CRTC3: variants seen among roughly 807,000 people sequenced by gnomAD.
CRTC3 encodes the protein CREB regulated transcription coactivator 3, also known as CREB-regulated transcription coactivator 3.
In CRTC3, 26 loss-of-function variants were observed where a neutral mutation model predicts 74.5. That is an observed-to-expected ratio of 0.35 (90% CI 0.26 to 0.48). The LOEUF is 0.48. CRTC3 is among the 20% of genes least tolerant of loss of function. The probability of loss-of-function intolerance (pLI) is 0.99; values close to 1 mark genes in which losing one functional copy is unlikely to be tolerated. For missense variants in CRTC3, 760 were observed against 787.3 expected (o/e 0.97, Z 0.41); for synonymous variants, 377 against 325.8 (o/e 1.16, Z -1.69).
intron 2 of CRTC3, among the ~76,000 whole-genome samples, chr15:90,548,164 CA>C (rs1470634911): frequency 7.7e-6 from 1 of 130,150 alleles, no homozygotes; most frequent in African/African-American, 2.5e-5. Context: ...GGTAGGATTA[CA>C]GGTGTGAGCC....
At position 90,625,763 on chromosome 15, in the gene CRTC3, T is replaced by C. The variant is rs552810075; in HGVS notation, c.750-13T>C. On this transcript the variant is annotated splice_polypyrimidine_tract_variant and intron_variant, in intron 9 of 14. Coordinates refer to ENST00000268184, the MANE Select transcript of CRTC3 (RefSeq NM_022769.5). ...ACATTGTAGAAAGTCATTCTTAATC[T>C]TTCTTTTTTCAGTGCTTTTCCACAT... 2 of 1,609,452 alleles carry C rather than the reference T, an allele frequency of 1.2e-6. No individual in the cohort carries two copies. The highest frequency in any genetic ancestry group is 2.2e-5 in the South Asian group (2 of 90,972).
chr15:90,562,075 C>T (rs994113637), intron 2 of CRTC3, among the ~76,000 whole-genome samples: 4 of 152,158 alleles, frequency 2.6e-5, no homozygotes, highest in Non-Finnish European at 4.4e-5. Context: ...CTGTCTCTAC[C>T]GCCAGCCTCT....
chr15:90,540,857 T>G (rs1201574206), intron 2 of CRTC3, among the ~76,000 whole-genome samples: 1 of 152,210 alleles, frequency 6.6e-6, no homozygotes, highest in Non-Finnish European at 1.5e-5. Context: ...ATAAAAAAAC[T>G]GAGAAATCTC....
At chr15:90,610,622 C>T (rs535456516) in intron 6 of CRTC3, among the ~76,000 whole-genome samples, 2 of 152,272 alleles carry the variant, frequency 1.3e-5, no homozygotes, top group East Asian at 1.9e-4. Context: ...TAATTTCTCT[C>T]TTTTTGTTTA....
intron 1 of CRTC3, among the ~76,000 whole-genome samples, chr15:90,535,413 A>G (rs1279414115): frequency 6.6e-6 from 1 of 152,144 alleles, no homozygotes; most frequent in Non-Finnish European, 1.5e-5. Flanking sequence ...GGAGGTCATC[A>G]GAGGAGGTCA....
At chr15:90,634,850 G>A in intron 11 of CRTC3, 2 of 1,541,030 alleles carry the variant, frequency 1.3e-6, no homozygotes, top group Non-Finnish European at 1.8e-6. Context: ...GAAAAGTATT[G>A]CAAGCAACAG....
chr15:90,627,659 T>C (rs1362342828), intron 10 of CRTC3, among the ~76,000 whole-genome samples: 1 of 151,550 alleles, frequency 6.6e-6, no homozygotes, highest in African/African-American at 2.4e-5. Flanking sequence ...TCTTGCTGTG[T>C]CGCCCAGGCT....
Position 90,632,076 on chromosome 15 carries a change from A to ATTT in CRTC3, c.1266+2555_1266+2557dup, listed in dbSNP as rs5814442. ...ACCATCACACCCGACTAATTTTTGT[A>ATTT]TTTTTTTTTTTTTGTAGAGATGGGG... On this transcript the variant is annotated intron_variant, in intron 11 of 14. Coordinates refer to ENST00000268184, the MANE Select transcript of CRTC3 (RefSeq NM_022769.5). Among the ~76,000 whole-genome samples the ATTT allele has an allele frequency of 8.1e-3, 1,176 of 145,258 alleles. 19 individuals carry two copies. Among genetic ancestry groups the ATTT allele is most frequent in the African/African-American group, 0.028 (1,099 of 39,420 alleles).
chr15:90,564,972 C>T (rs138466859), intron 2 of CRTC3, among the ~76,000 whole-genome samples: 41 of 149,000 alleles, frequency 2.8e-4, no homozygotes, highest in Non-Finnish European at 4.5e-4. Flanking sequence ...CATGGAGTTT[C>T]GCTCTTTTTG....
At chr15:90,580,024 G>A (rs943330710) in intron 2 of CRTC3, among the ~76,000 whole-genome samples, 7 of 152,164 alleles carry the variant, frequency 4.6e-5, no homozygotes, top group African/African-American at 1.7e-4. Flanking sequence ...AATACAAAAA[G>A]AGGAAATATT....
chr15:90,623,995 C>G (rs964572338), intron 9 of CRTC3, among the ~76,000 whole-genome samples: 1 of 152,196 alleles, frequency 6.6e-6, no homozygotes, highest in Non-Finnish European at 1.5e-5. Flanking sequence ...TCCAAGGAAG[C>G]CTCCCCAGGT....
At chr15:90,572,891 TA>T (rs1378282613) in intron 2 of CRTC3, among the ~76,000 whole-genome samples, 1 of 152,170 alleles carries the variant, frequency 6.6e-6, no homozygotes, top group Non-Finnish European at 1.5e-5. Context: ...ATCCATTTTT[TA>T]AAAAAACTGT....
chr15:90,572,778 GTTGGCCAGGCTGGTC>G (rs1967305427), intron 2 of CRTC3, among the ~76,000 whole-genome samples: 1 of 152,100 alleles, frequency 6.6e-6, no homozygotes, highest in African/African-American at 2.4e-5. Context: ...GTTTCACCAT[GTTGGCCAGGCTGGTC>G]TTAAACTCCT....
At chr15:90,595,903 A>G (rs557935023) in intron 3 of CRTC3, 3 of 152,318 alleles carry the variant, frequency 2.0e-5, no homozygotes, top group Admixed American at 1.3e-4. Flanking sequence ...CAAGTTGCCC[A>G]GGGTTCAGTG....
At chr15:90,615,855 T>C (rs962452948) in intron 7 of CRTC3, among the ~76,000 whole-genome samples, 15 of 151,874 alleles carry the variant, frequency 9.9e-5, no homozygotes, top group Admixed American at 9.8e-4. Context: ...TTTTTATTTA[T>C]TTTTATTTTT....
Position 90,638,629 on chromosome 15 carries a change from C to T in CRTC3, c.1450C>T (p.Gln484Ter). Residue 484 changes from glutamine (Q) to a stop codon, truncating the protein, a stop_gained, in exon 12 of 15, where the codon CAG (glutamine) becomes TAG (stop). Transcript: ENST00000268184. LOFTEE classifies it high-confidence loss of function. ...AASSLPQSDFQLLPAQGSSLT... is the reference protein window; with the variant it reads ...AASSLPQSDF ...CTCCTCACTGCCACAGTCAGACTTT[C>T]AGCTTCTCCCGGCCCAGGTGAGTTC... The T allele has an allele frequency of 6.2e-7, 1 of 1,613,638 alleles. No individual in the cohort carries two copies. Among genetic ancestry groups the T allele is most frequent in the Non-Finnish European group, 8.5e-7 (1 of 1,180,002 alleles).
intron 2 of CRTC3, among the ~76,000 whole-genome samples, chr15:90,566,862 C>T (rs1967135007): frequency 6.6e-6 from 1 of 151,930 alleles, no homozygotes; most frequent in South Asian, 2.1e-4. Context: ...AGGTGCCCGC[C>T]ACCACACCTG....
chr15:90,627,600 C>T (rs1968882954), intron 10 of CRTC3, among the ~76,000 whole-genome samples: 1 of 151,876 alleles, frequency 6.6e-6, no homozygotes, highest in African/African-American at 2.4e-5. Flanking sequence ...ATGTCAGAAC[C>T]AATGTCAGTT....
chr15:90,534,968 T>C (rs898077147), intron 1 of CRTC3, among the ~76,000 whole-genome samples: 1 of 152,104 alleles, frequency 6.6e-6, no homozygotes, highest in African/African-American at 2.4e-5. Flanking sequence ...GAGACCAGCC[T>C]GACCAACATG....
Sources: gnomAD v4.1 joint callset for allele counts (sites outside exome capture counted in the v4.1 genomes callset) on GRCh38, gnomAD v4.1.1 for gene constraint, MANE v1.5 for transcripts, NCBI Gene and HGNC (gene_info 2026-07-23, HGNC 2026-07-21) for gene names.